The following TDRD12 variants were observed in gnomAD, a reference collection of about 807,000 sequenced individuals.
TDRD12 encodes the protein putative ATP-dependent RNA helicase TDRD12.
Under a neutral mutation model 133.5 loss-of-function variants are expected in TDRD12, and 158 were observed. The ratio of observed to expected loss-of-function variants is 1.18; its 90% CI spans 1.04 to 1.35. The LOEUF (loss-of-function observed/expected upper bound fraction) is 1.35, where lower values mean the gene tolerates loss of function less well. TDRD12 is among the 40% of genes most tolerant of loss of function. The pLI is 0.00. For missense variants in TDRD12, 1,443 were observed against 1,321.3 expected (o/e 1.09, Z -1.43); for synonymous variants, 460 against 477.9 (o/e 0.96, Z 0.49).
chr19:32,821,397 TGTGTGTGTGTGTGC>T (rs11266964), downstream of TDRD12: 62,190 of 309,536 alleles, frequency 0.2, 4,127 homozygotes, highest in East Asian at 0.34. Context: ...TGTGTGTGTG[TGTGTGTGTGTGTGC>T]GTGTGAACCA....
chr19:32,814,918 T>C (rs977142610), intron 25 of TDRD12, among the ~76,000 whole-genome samples: 1 of 152,216 alleles, frequency 6.6e-6, no homozygotes, highest in African/African-American at 2.4e-5. Context: ...ATACCCACAC[T>C]GCCACCAACA....
chr19:32,811,627 T>G (rs1396953605), intron 24 of TDRD12, among the ~76,000 whole-genome samples: 1 of 152,198 alleles, frequency 6.6e-6, no homozygotes, highest in African/African-American at 2.4e-5. Context: ...ACCACTGTCC[T>G]TGTGCTTACG....
chr19:32,730,100 A>AT (rs1396246992), intron 1 of TDRD12, among the ~76,000 whole-genome samples: 2 of 151,938 alleles, frequency 1.3e-5, no homozygotes, highest in African/African-American at 4.8e-5. Context: ...AAAACTGCGT[A>AT]TTTCTTTCAG....
At chr19:32,747,318 C>T (rs902381233) in intron 4 of TDRD12, among the ~76,000 whole-genome samples, 10 of 152,142 alleles carry the variant, frequency 6.6e-5, no homozygotes, top group South Asian at 4.1e-4. Flanking sequence ...GAACCACTGC[C>T]TTTACTGCCT....
chr19:32,827,351 CA>C (rs1967623910), exon 10 of TDRD12: 1 of 408,358 alleles, frequency 2.4e-6, no homozygotes, highest in South Asian at 1.3e-4. Context: ...CAGTCATAAC[CA>C]AATCTTTTTC....
chr19:32,777,986 C>T (rs980893571), intron 11 of TDRD12, among the ~76,000 whole-genome samples: 5 of 146,990 alleles, frequency 3.4e-5, no homozygotes, highest in African/African-American at 1.3e-4. Flanking sequence ...GCTGGGATTG[C>T]AGGCATGACC....
chr19:32,826,254 C>CAAATAAAATGGTTCCAA (rs1967586361), downstream of TDRD12: 4 of 1,469,676 alleles, frequency 2.7e-6, no homozygotes, highest in South Asian at 4.1e-5. Context: ...CTTCCACCCA[C>CAAATAAAATGGTTCCAA]AAATAAAATG....
At chr19:32,780,356 G>A (rs1056489935) in intron 11 of TDRD12, among the ~76,000 whole-genome samples, 9 of 152,068 alleles carry the variant, frequency 5.9e-5, no homozygotes, top group Admixed American at 1.3e-4. Flanking sequence ...CAAAGTGCTG[G>A]GATTACAGGC....
Position 32,773,500 on chromosome 19 carries a change from CAT to C in TDRD12, c.1013_1014del (p.Tyr338CysfsTer2). 3 of 1,551,744 alleles carry C rather than the reference CAT, an allele frequency of 1.9e-6. No homozygotes were observed. The highest frequency in any genetic ancestry group is 2.6e-6 in the Non-Finnish European group (3 of 1,146,990). ...ACTGGCCAGCAAAAAGAGGCATAAC[CAT>C]ATATGCTGATCCAGATGTACCAGAA... On this transcript the variant is annotated frameshift_variant, in exon 10 of 28. Coordinates refer to ENST00000444215, the Ensembl canonical transcript of TDRD12. LOFTEE classifies it high-confidence loss of function.
At position 32,766,252 on chromosome 19, in the gene TDRD12, A is replaced by G. The variant is rs749185937; in HGVS notation, c.866-6501A>G. ...TGTCATTTAAAATTTTTGTGGGCAC[A>G]TAGTAGGTATGTATATTTATGGGGT... On this transcript the variant is annotated intron_variant, in intron 8 of 27. Coordinates refer to ENST00000444215, the Ensembl canonical transcript of TDRD12. Among the ~76,000 whole-genome samples the G allele has an allele frequency of 1.4e-4, 21 of 152,310 alleles. 1 individual carries two copies. In the East Asian group the frequency reaches 2.3e-3, roughly 17 times the overall value.
chr19:32,826,671 T>C lies in TDRD12; in HGVS notation c.1049+73T>C. 1 of 1,220,088 alleles carries C rather than the reference T, an allele frequency of 8.2e-7. No homozygotes were observed. Among genetic ancestry groups the C allele is most frequent in the Non-Finnish European group, 1.0e-6 (1 of 981,608 alleles). The allele number at this position is 1,220,088 out of a possible 1,614,324, so 75.6% of individuals were successfully genotyped here. ...TATTCACGCGCTCACTGTCAGCTGTTCTCTTGAACAGAACCCCAACGTGGC... is the reference window on the plus strand; with the variant it reads ...TATTCACGCGCTCACTGTCAGCTGTCCTCTTGAACAGAACCCCAACGTGGC... On this transcript the variant is annotated intron_variant, in intron 9 of 9. Coordinates refer to the TDRD12 transcript ENST00000637289.
chr19:32,805,218 CACAT>C (rs60498667), intron 21 of TDRD12, among the ~76,000 whole-genome samples: 32,005 of 82,926 alleles, frequency 0.39, 3,866 homozygotes, highest in East Asian at 0.47. Context: ...CACACACACA[CACAT>C]ATATATATAT....
chr19:32,813,385 T>C (rs1967070311), intron 24 of TDRD12, among the ~76,000 whole-genome samples: 1 of 152,072 alleles, frequency 6.6e-6, no homozygotes, highest in Non-Finnish European at 1.5e-5. Flanking sequence ...ATGGAGGAGA[T>C]GGGGTACGCA....
At chr19:32,798,339 G>C (rs998416481) in exon 16 of TDRD12, 1 of 1,535,668 alleles carries the variant, frequency 6.5e-7, no homozygotes, top group Non-Finnish European at 8.7e-7. Flanking sequence ...CATACAGCCT[G>C]CTGAGGCTTC....
At chr19:32,775,846 T>G (rs1970567172) in intron 10 of TDRD12, among the ~76,000 whole-genome samples, 1 of 152,160 alleles carries the variant, frequency 6.6e-6, no homozygotes, top group African/African-American at 2.4e-5. Flanking sequence ...CCGTGTGTGC[T>G]GAGTAACTTT....
At chr19:32,739,093 T>C in intron 3 of TDRD12, 101 bp downstream of exon 3, 1 of 1,387,830 alleles carries the variant, frequency 7.2e-7, no homozygotes. Context: ...GTCACTACAC[T>C]GAGAAAAGAC....
chr19:32,746,058 G>A (rs1040349368), intron 4 of TDRD12, among the ~76,000 whole-genome samples: 1 of 149,612 alleles, frequency 6.7e-6, no homozygotes, highest in African/African-American at 2.5e-5. Context: ...GAGAGAGAGA[G>A]TCTGGCTGAT....
At chr19:32,762,861 C>A (rs917710499) in intron 8 of TDRD12, among the ~76,000 whole-genome samples, 6 of 152,146 alleles carry the variant, frequency 3.9e-5, no homozygotes, top group Non-Finnish European at 7.4e-5. Flanking sequence ...GGTGTACTTA[C>A]CCAACCTACA....
chr19:32,749,910 T>G, intron 6 of TDRD12, 41 bp downstream of exon 6: 2 of 1,365,352 alleles, frequency 1.5e-6, no homozygotes, highest in South Asian at 2.7e-5. Flanking sequence ...TTCATCATTT[T>G]AAATTTTACT....
Sources: gnomAD v4.1 joint callset for allele counts (sites outside exome capture counted in the v4.1 genomes callset) on GRCh38, gnomAD v4.1.1 for gene constraint, MANE v1.5 for transcripts, NCBI Gene and HGNC (gene_info 2026-07-23, HGNC 2026-07-21) for gene names.